The following CYP20A1 variants were observed in gnomAD, a reference collection of about 807,000 sequenced individuals.
CYP20A1 encodes the protein cytochrome P450 20A1.
CYP20A1 carries 61 observed loss-of-function variants against 61.4 expected under a neutral mutation model. That is an observed-to-expected ratio of 0.99 (90% CI 0.81 to 1.23). The LOEUF (loss-of-function observed/expected upper bound fraction) is 1.23. Ranked by LOEUF, CYP20A1 falls within the 50% of genes most tolerant of loss-of-function variation. CYP20A1 has a pLI of 0.00. For synonymous variants in CYP20A1, 193 were observed against 188.2 expected, an observed-to-expected ratio of 1.03 and a Z score of -0.21; for missense variants, 530 against 542.4, an observed-to-expected ratio of 0.98 and a Z score of 0.23.
intron 7 of CYP20A1, among the ~76,000 whole-genome samples, chr2:203,279,338 A>G (rs2067953141): frequency 6.6e-6 from 1 of 152,208 alleles, no homozygotes; most frequent in Non-Finnish European, 1.5e-5. Context: ...TCTTTGAGGC[A>G]GCTGTATATT....
intron 1 of CYP20A1, among the ~76,000 whole-genome samples, chr2:203,241,429 A>G (rs901087482): frequency 1.3e-5 from 2 of 152,192 alleles, no homozygotes; most frequent in Non-Finnish European, 2.9e-5. Context: ...ACTGGTTGCT[A>G]TCTCCCAGAC....
intron 5 of CYP20A1, among the ~76,000 whole-genome samples, chr2:203,270,575 T>C (rs1353480137): frequency 1.3e-5 from 2 of 152,066 alleles, no homozygotes; most frequent in Non-Finnish European, 2.9e-5. Flanking sequence ...TTATAGTAAA[T>C]AAAAGTTTTG....
intron 3 of CYP20A1, among the ~76,000 whole-genome samples, chr2:203,249,571 A>G (rs950329991): frequency 1.3e-5 from 2 of 152,310 alleles, no homozygotes; most frequent in African/African-American, 2.4e-5. Context: ...TAGGCCAGGC[A>G]TGGTGGCTCA....
intron 1 of CYP20A1, among the ~76,000 whole-genome samples, chr2:203,242,001 A>C (rs6709164): frequency 0.92 from 140,732 of 152,198 alleles, 65,326 homozygotes; most frequent in Non-Finnish European, 0.96. Flanking sequence ...ATCACCACAC[A>C]CAGCTAATTT....
At chr2:203,248,841 G>A (rs2066556547) in intron 3 of CYP20A1, among the ~76,000 whole-genome samples, 1 of 151,994 alleles carries the variant, frequency 6.6e-6, no homozygotes, top group South Asian at 2.1e-4. Flanking sequence ...TCCTGAGTAG[G>A]TGAGACTATA....
intron 1 of CYP20A1, among the ~76,000 whole-genome samples, chr2:203,239,757 C>T (rs2066182426): frequency 1.3e-5 from 2 of 152,212 alleles, no homozygotes; most frequent in Non-Finnish European, 2.9e-5. Flanking sequence ...GCCTCCGGTC[C>T]TCCTCTCTCC....
intron 4 of CYP20A1, among the ~76,000 whole-genome samples, chr2:203,256,560 T>C (rs1371856463): frequency 6.6e-6 from 1 of 152,044 alleles, no homozygotes; most frequent in African/African-American, 2.4e-5. Context: ...GGTTTCGCCA[T>C]GTTAGTCAGT....
intron 2 of CYP20A1, 57 bp from the exon 3 acceptor site, chr2:203,246,698 T>G (rs1422613706): frequency 6.4e-7 from 1 of 1,551,674 alleles, no homozygotes; most frequent in African/African-American, 1.4e-5. Context: ...CAACTGTTGT[T>G]TTTCTCATTT....
chr2:203,289,478 T>C (rs1023310400), intron 9 of CYP20A1, among the ~76,000 whole-genome samples: 6 of 152,046 alleles, frequency 3.9e-5, no homozygotes, highest in African/African-American at 1.4e-4. Flanking sequence ...TGAGTTTTCT[T>C]CTGGTACTTT....
At chr2:203,284,557 A>G (rs1029303201) in intron 8 of CYP20A1, among the ~76,000 whole-genome samples, 3 of 152,014 alleles carry the variant, frequency 2.0e-5, no homozygotes, top group African/African-American at 7.3e-5. Context: ...TCCATAAACC[A>G]GTTTAAGCTA....
intron 7 of CYP20A1, among the ~76,000 whole-genome samples, 176 bp downstream of exon 7, chr2:203,278,864 A>G (rs559209758): frequency 6.6e-6 from 1 of 152,326 alleles, no homozygotes; most frequent in South Asian, 2.1e-4. Flanking sequence ...AATAATGATA[A>G]TCACACATAT....
chr2:203,289,832 C>T lies in CYP20A1; in HGVS notation c.1039C>T (p.Gln347Ter). Residue 347 changes from glutamine to a stop codon, truncating the protein, a stop_gained, in exon 10 of 13, where the codon CAA becomes TAA. Coordinates refer to ENST00000356079, the MANE Select transcript of CYP20A1 (RefSeq NM_177538.3). LOFTEE classifies it high-confidence loss of function. ...ACTGACTCCAGTTTCTGCCCAGCTTCAAGATATTGAAGGAAAAATTGACCG... is the reference window on the plus strand; with the variant it reads ...ACTGACTCCAGTTTCTGCCCAGCTTTAAGATATTGAAGGAAAAATTGACCG... ...AKLTPVSAQL[Q>*]DIEGKIDRFI... 1 of 1,597,810 alleles carries T rather than the reference C, an allele frequency of 6.3e-7. No homozygotes were observed. The highest frequency in any genetic ancestry group is 8.5e-7 in the Non-Finnish European group (1 of 1,170,780).
chr2:203,273,682 A>G (rs117347584), intron 6 of CYP20A1, among the ~76,000 whole-genome samples: 2,332 of 152,158 alleles, frequency 0.015, 69 homozygotes, highest in Admixed American at 0.077. Flanking sequence ...GGTAGCTCAC[A>G]CCTGCAATCC....
intron 3 of CYP20A1, among the ~76,000 whole-genome samples, chr2:203,249,860 T>C (rs2066595996): frequency 6.6e-6 from 1 of 151,892 alleles, no homozygotes; most frequent in Non-Finnish European, 1.5e-5. Context: ...AGAAAAAAAA[T>C]GCCCTTTTAG....
chr2:203,274,256 G>T (rs1434786573), intron 6 of CYP20A1, among the ~76,000 whole-genome samples: 1 of 151,426 alleles, frequency 6.6e-6, no homozygotes, highest in Non-Finnish European at 1.5e-5. Flanking sequence ...TGCGGTCACG[G>T]CTCACTGCAA....
At chr2:203,271,056 A>G (rs1191299792) in intron 5 of CYP20A1, among the ~76,000 whole-genome samples, 30 of 24,764 alleles carry the variant, frequency 1.2e-3, no homozygotes, top group South Asian at 9.1e-3. Flanking sequence ...GTATATGTGT[A>G]TATATATATA....
At chr2:203,291,976 G>C (rs2152110621) in intron 10 of CYP20A1, among the ~76,000 whole-genome samples, 1 of 152,130 alleles carries the variant, frequency 6.6e-6, no homozygotes, top group East Asian at 1.9e-4. Context: ...ATGGTTTCCA[G>C]CTTCATCCAT....
intron 3 of CYP20A1, among the ~76,000 whole-genome samples, chr2:203,248,020 G>C (rs950964385): frequency 6.6e-5 from 10 of 152,218 alleles, no homozygotes; most frequent in Admixed American, 5.9e-4. Flanking sequence ...GAGCCCAGGA[G>C]TTCAAGACCA....
chr2:203,250,620 A>G (rs1436759885), intron 3 of CYP20A1, among the ~76,000 whole-genome samples: 1 of 152,214 alleles, frequency 6.6e-6, no homozygotes, highest in Non-Finnish European at 1.5e-5. Flanking sequence ...CTCTGCTCCT[A>G]TGGAGTTTCT....
Sources: gnomAD v4.1 joint callset for allele counts (sites outside exome capture counted in the v4.1 genomes callset) on GRCh38, gnomAD v4.1.1 for gene constraint, MANE v1.5 for transcripts, NCBI Gene and HGNC (gene_info 2026-07-23, HGNC 2026-07-21) for gene names.